The following CPEB1 variants were observed in gnomAD, a reference collection of about 807,000 sequenced individuals.
CPEB1 encodes the protein cytoplasmic polyadenylation element binding protein 1, also known as cytoplasmic polyadenylation element-binding protein 1.
Under a neutral mutation model 65.8 loss-of-function variants are expected in CPEB1, and 7 were observed. The observed-to-expected ratio is 0.11, with a 90% CI of 0.06 to 0.20. CPEB1 has a LOEUF of 0.20. Ranked by LOEUF, CPEB1 falls within the 10% of genes least tolerant of loss-of-function variation. The probability of loss-of-function intolerance (pLI) is 1.00; values close to 1 mark genes in which losing one functional copy is unlikely to be tolerated. For missense variants in CPEB1, 551 were observed against 712.2 expected (o/e 0.77, Z 2.58); for synonymous variants, 262 against 260.0 (o/e 1.01, Z -0.08).
intron 9 of CPEB1, among the ~76,000 whole-genome samples, chr15:82,550,724 G>C (rs554994149): frequency 1.3e-5 from 2 of 152,274 alleles, no homozygotes; most frequent in South Asian, 4.1e-4. Context: ...GGTGAATCTG[G>C]GTCTAAAGGT....
chr15:82,577,428 A>ATTTTAAGTTTTCTC (rs2040779894), intron 3 of CPEB1, among the ~76,000 whole-genome samples: 1 of 152,190 alleles, frequency 6.6e-6, no homozygotes, highest in Non-Finnish European at 1.5e-5. Flanking sequence ...CACAAAAACT[A>ATTTTAAGTTTTCTC]TTTTAAGTTT....
At chr15:82,604,396 G>T (rs897545878) in intron 3 of CPEB1, among the ~76,000 whole-genome samples, 1 of 151,824 alleles carries the variant, frequency 6.6e-6, no homozygotes, top group African/African-American at 2.4e-5. Flanking sequence ...GCAGGAGAAT[G>T]GTGAGAACCC....
At chr15:82,572,972 G>A in intron 3 of CPEB1, 1 of 1,419,746 alleles carries the variant, frequency 7.0e-7, no homozygotes, top group South Asian at 1.5e-5. Flanking sequence ...ATAAAGGAGG[G>A]TAGGGCAACA....
chr15:82,622,622 C>A (rs1001504211), intron 3 of CPEB1, among the ~76,000 whole-genome samples: 1 of 152,134 alleles, frequency 6.6e-6, no homozygotes, highest in Non-Finnish European at 1.5e-5. Flanking sequence ...AAACTCCTGA[C>A]CTCAAGTGAT....
At chr15:82,641,331 G>A (rs939528073) in intron 1 of CPEB1, among the ~76,000 whole-genome samples, 1 of 152,166 alleles carries the variant, frequency 6.6e-6, no homozygotes, top group African/African-American at 2.4e-5. Flanking sequence ...GGAGCACAAA[G>A]CCAGAATGCA....
chr15:82,599,118 G>A (rs2042897781), intron 3 of CPEB1, among the ~76,000 whole-genome samples: 1 of 152,124 alleles, frequency 6.6e-6, no homozygotes, highest in Non-Finnish European at 1.5e-5. Flanking sequence ...TGGTCTGATT[G>A]GTAGAATGTT....
At chr15:82,547,978 T>C (rs996803679) in intron 10 of CPEB1, among the ~76,000 whole-genome samples, 2 of 152,220 alleles carry the variant, frequency 1.3e-5, no homozygotes, top group Non-Finnish European at 2.9e-5. Flanking sequence ...TCAGCCCTTA[T>C]GTAACTTTAA....
intron 3 of CPEB1, among the ~76,000 whole-genome samples, chr15:82,622,032 T>A (rs1442655588): frequency 6.6e-6 from 1 of 152,210 alleles, no homozygotes; most frequent in Non-Finnish European, 1.5e-5. Flanking sequence ...ACTTTTCACA[T>A]CTTTACAGAC....
At chr15:82,547,882 A>G (rs2035540933) in intron 10 of CPEB1, among the ~76,000 whole-genome samples, 1 of 151,922 alleles carries the variant, frequency 6.6e-6, no homozygotes, top group African/African-American at 2.4e-5. Flanking sequence ...CATATTGTCC[A>G]GGCTGGTCTT....
rs186230309 is a variant in CPEB1 at position 82,571,702 on chromosome 15, G to A, written c.272-170C>T. ...TGCACTTTTGGGGACGCTGGGGCAA[G>A]AGCAGTTGCCATACAGGCCCCCTCC... On this transcript the variant is annotated intron_variant, in intron 3 of 12. Transcript: ENST00000684509. 4,635 of 1,433,698 alleles carry A rather than the reference G, an allele frequency of 3.2e-3. 9 individuals carry two copies. Among genetic ancestry groups the A allele is most frequent in the Admixed American group, 4.3e-3 (150 of 35,074 alleles). The allele number at this position is 1,433,698 out of a possible 1,614,324, so 88.8% of individuals were successfully genotyped here.
At chr15:82,635,450 C>A (rs1413881888) in intron 1 of CPEB1, among the ~76,000 whole-genome samples, 3 of 152,164 alleles carry the variant, frequency 2.0e-5, no homozygotes. Flanking sequence ...AGAGATGCTT[C>A]TCTGTGTTTA....
chr15:82,617,724 GTTTTT>G (rs35267620), intron 3 of CPEB1, among the ~76,000 whole-genome samples: 5 of 83,818 alleles, frequency 6.0e-5, no homozygotes, highest in African/African-American at 2.4e-4. Flanking sequence ...TTCTATTAAA[GTTTTT>G]TTTTTTTTTT....
intron 4 of CPEB1, among the ~76,000 whole-genome samples, chr15:82,559,750 G>A (rs1207915712): frequency 6.6e-6 from 1 of 152,158 alleles, no homozygotes; most frequent in Non-Finnish European, 1.5e-5. Context: ...CAAAATGCTT[G>A]GATTGATAAC....
chr15:82,587,096 T>C (rs1474147633), intron 3 of CPEB1, among the ~76,000 whole-genome samples: 1 of 152,176 alleles, frequency 6.6e-6, no homozygotes, highest in Non-Finnish European at 1.5e-5. Flanking sequence ...CTGTTCTACT[T>C]ATAAAGAAAA....
intron 1 of CPEB1, chr15:82,638,060 G>T: frequency 2.3e-6 from 1 of 437,024 alleles, no homozygotes; most frequent in Middle Eastern, 3.3e-4. Flanking sequence ...GTCTGTTTCT[G>T]TATTTAATGT....
intron 3 of CPEB1, among the ~76,000 whole-genome samples, chr15:82,583,858 G>C (rs1012346058): frequency 6.6e-6 from 1 of 152,064 alleles, no homozygotes; most frequent in Admixed American, 6.5e-5. Context: ...TAAATGTCAA[G>C]GTATGTACAA....
chr15:82,618,749 A>G (rs34186444), intron 3 of CPEB1, among the ~76,000 whole-genome samples: 61,149 of 152,036 alleles, frequency 0.4, 12,360 homozygotes, highest in South Asian at 0.49. Context: ...TACCATCAAA[A>G]CCTAGAGATA....
chr15:82,610,982 A>AAAAAAAG (rs1567220272), intron 3 of CPEB1, among the ~76,000 whole-genome samples: 5 of 141,230 alleles, frequency 3.5e-5, no homozygotes, highest in Non-Finnish European at 3.0e-5. Flanking sequence ...AAAAAAAAAA[A>AAAAAAAG]AAAAAAGAAA....
intron 4 of CPEB1, among the ~76,000 whole-genome samples, chr15:82,559,956 C>T (rs772422026): frequency 6.6e-5 from 10 of 152,080 alleles, no homozygotes; most frequent in African/African-American, 1.2e-4. Flanking sequence ...TGAAAGTGCA[C>T]GCCTGTAATC....
Sources: gnomAD v4.1 joint callset for allele counts (sites outside exome capture counted in the v4.1 genomes callset) on GRCh38, gnomAD v4.1.1 for gene constraint, MANE v1.5 for transcripts, NCBI Gene and HGNC (gene_info 2026-07-23, HGNC 2026-07-21) for gene names.